The following MCTP1 variants were observed in gnomAD, a reference collection of about 807,000 sequenced individuals.
MCTP1 encodes the protein multiple C2 and transmembrane domain containing 1, also known as multiple C2 and transmembrane domain-containing protein 1.
Under a neutral mutation model 120.6 loss-of-function variants are expected in MCTP1, and 69 were observed. That is an observed-to-expected ratio of 0.57 (90% CI 0.47 to 0.70). MCTP1 has a LOEUF of 0.70. Ranked by LOEUF, MCTP1 falls within the 30% of genes least tolerant of loss-of-function variation. MCTP1 has a pLI of 0.00. For synonymous variants in MCTP1, 529 were observed against 493.1 expected, an observed-to-expected ratio of 1.07 and a Z score of -0.96; for missense variants, 1,203 against 1,248.8, an observed-to-expected ratio of 0.96 and a Z score of 0.55.
intron 1 of MCTP1, among the ~76,000 whole-genome samples, chr5:95,060,666 A>G (rs1478046354): frequency 4.6e-5 from 7 of 152,178 alleles, no homozygotes; most frequent in African/African-American, 1.7e-4. Flanking sequence ...ATGACATATT[A>G]AAACAGAATT....
chr5:95,100,754 G>A (rs548135443), intron 1 of MCTP1, among the ~76,000 whole-genome samples: 1 of 152,250 alleles, frequency 6.6e-6, no homozygotes, highest in Non-Finnish European at 1.5e-5. Context: ...ATATCCCAGC[G>A]ATGATATCAT....
At chr5:95,039,962 A>C (rs1325201285) in intron 1 of MCTP1, among the ~76,000 whole-genome samples, 2 of 151,766 alleles carry the variant, frequency 1.3e-5, no homozygotes, top group Non-Finnish European at 2.9e-5. Flanking sequence ...ACTAGGTGTC[A>C]CTGCTAATTT....
At chr5:94,793,917 T>C (rs1427479703) in intron 18 of MCTP1, among the ~76,000 whole-genome samples, 1 of 152,236 alleles carries the variant, frequency 6.6e-6, no homozygotes, top group Admixed American at 6.5e-5. Flanking sequence ...TTTGTAGAGA[T>C]AAGTGCTCTG....
intron 7 of MCTP1, among the ~76,000 whole-genome samples, chr5:94,919,883 C>T (rs758362005): frequency 6.6e-5 from 10 of 152,340 alleles, no homozygotes; most frequent in Non-Finnish European, 1.2e-4. Context: ...TCTCCCAGTG[C>T]TTTGTCCAGC....
At position 94,799,608 on chromosome 5, in the gene MCTP1, A is replaced by G. The variant is rs560078340; in HGVS notation, c.2437-476T>C. 3.9e-5 allele frequency among the ~76,000 whole-genome samples: 6 copies of G among 152,294 alleles called. No homozygotes were observed. The East Asian group carries it at 1.2e-3, about 29-fold the overall frequency. ...CAGATGAAAATACCAGGTCTACACA[A>G]GACAGCCCCAAAGATTTCACAATAT... On this transcript the variant is annotated intron_variant, in intron 17 of 22. Transcript: ENST00000515393.
At position 95,117,376 on chromosome 5, in the gene MCTP1, G is replaced by A. The variant is rs187189333; in HGVS notation, c.721-99892C>T. On this transcript the variant is annotated intron_variant, in intron 1 of 22. Coordinates refer to ENST00000515393, the MANE Select transcript of MCTP1 (RefSeq NM_024717.7). ...ACTGCACTGCAGCCTGGGCAACAGA[G>A]CGAGACTCCGTCTCAAAAAAAAAAA... Among the ~76,000 whole-genome samples, 651 of 114,352 alleles carry A rather than the reference G, an allele frequency of 5.7e-3. 7 individuals carry two copies. Among genetic ancestry groups the A allele is most frequent in the African/African-American group, 0.022 (616 of 28,522 alleles). 75.0% of individuals were successfully genotyped at this position (114,352 alleles called of 152,430 possible). A position where few individuals can be genotyped will look rare whatever the true frequency, so the allele number is the denominator to read the frequency against.
chr5:95,276,086 T>C (rs549984893), intron 1 of MCTP1, among the ~76,000 whole-genome samples: 16 of 152,104 alleles, frequency 1.1e-4, no homozygotes, highest in Admixed American at 6.5e-4. Flanking sequence ...GCAGACTTTC[T>C]GGAGGGAGGA....
chr5:94,911,808 C>T (rs917544292), intron 9 of MCTP1, among the ~76,000 whole-genome samples: 7 of 152,090 alleles, frequency 4.6e-5, no homozygotes, highest in Non-Finnish European at 1.5e-5. Context: ...ATTACTACTA[C>T]TATAATTGAT....
At chr5:94,952,178 A>C (rs1445901485) in intron 3 of MCTP1, among the ~76,000 whole-genome samples, 2 of 90,098 alleles carry the variant, frequency 2.2e-5, no homozygotes, top group African/African-American at 3.7e-5. Context: ...TCGCAAAAAA[A>C]AAAAAAAAAA....
At chr5:95,267,023 A>G (rs1758936260) in intron 1 of MCTP1, among the ~76,000 whole-genome samples, 1 of 152,224 alleles carries the variant, frequency 6.6e-6, no homozygotes, top group Admixed American at 6.5e-5. Flanking sequence ...TTGCTTGAGA[A>G]CATTGCTGCA....
chr5:95,242,972 G>C (rs1756336455), intron 1 of MCTP1, among the ~76,000 whole-genome samples: 1 of 152,176 alleles, frequency 6.6e-6, no homozygotes, highest in Non-Finnish European at 1.5e-5. Flanking sequence ...TAAAGGTCCT[G>C]TGAAAATTAG....
chr5:94,737,242 G>A (rs1350673196), intron 19 of MCTP1, among the ~76,000 whole-genome samples: 1 of 152,108 alleles, frequency 6.6e-6, no homozygotes, highest in Non-Finnish European at 1.5e-5. Context: ...AGGGAGGGAG[G>A]GAGGGAAACA....
At chr5:95,094,406 A>C (rs1756067313) in intron 1 of MCTP1, among the ~76,000 whole-genome samples, 1 of 152,240 alleles carries the variant, frequency 6.6e-6, no homozygotes, top group South Asian at 2.1e-4. Flanking sequence ...CAACTGCTAA[A>C]TATTTTGTTC....
chr5:95,085,784 A>T (rs1424511338), intron 1 of MCTP1, among the ~76,000 whole-genome samples: 2 of 152,066 alleles, frequency 1.3e-5, no homozygotes, highest in Non-Finnish European at 2.9e-5. Flanking sequence ...AAATACCAAG[A>T]GTCTTGATCT....
At chr5:94,829,825 G>T (rs760636379) in intron 17 of MCTP1, among the ~76,000 whole-genome samples, 2 of 152,188 alleles carry the variant, frequency 1.3e-5, no homozygotes, top group Admixed American at 6.5e-5. Context: ...CTCTCAGAAT[G>T]AGTTTTTTTC....
intron 1 of MCTP1, among the ~76,000 whole-genome samples, chr5:95,271,607 G>A (rs570800611): frequency 6.6e-6 from 1 of 152,224 alleles, no homozygotes; most frequent in African/African-American, 2.4e-5. Flanking sequence ...GACATCTGGG[G>A]TTGAAAGGAT....
chr5:94,825,888 T>G (rs529517406), intron 17 of MCTP1: 2 of 169,490 alleles, frequency 1.2e-5, no homozygotes, highest in African/African-American at 4.8e-5. Flanking sequence ...CTATTTTTTT[T>G]TTTTCAATTT....
intron 1 of MCTP1, among the ~76,000 whole-genome samples, chr5:95,276,549 G>A (rs1271886751): frequency 3.3e-5 from 5 of 151,460 alleles, no homozygotes; most frequent in East Asian, 2.0e-4. Flanking sequence ...GAGCCACTGC[G>A]CCCAGCCAAT....
chr5:95,171,999 T>C (rs1204906240), intron 1 of MCTP1, among the ~76,000 whole-genome samples: 1 of 152,208 alleles, frequency 6.6e-6, no homozygotes, highest in Non-Finnish European at 1.5e-5. Flanking sequence ...TTTTTAGAAA[T>C]TTCAGCTTTT....
Sources: gnomAD v4.1 joint callset for allele counts (sites outside exome capture counted in the v4.1 genomes callset) on GRCh38, gnomAD v4.1.1 for gene constraint, MANE v1.5 for transcripts, NCBI Gene and HGNC (gene_info 2026-07-23, HGNC 2026-07-21) for gene names.